Variants in FUT9 observed in about 807,000 individuals in gnomAD.
FUT9 encodes the protein 4-galactosyl-N-acetylglucosaminide 3-alpha-L-fucosyltransferase 9.
Under a neutral mutation model 29.7 loss-of-function variants are expected in FUT9, and 15 were observed. The ratio of observed to expected loss-of-function variants is 0.51; its 90% CI spans 0.34 to 0.78. The LOEUF (loss-of-function observed/expected upper bound fraction) is 0.78. FUT9 is among the 30% of genes least tolerant of loss of function. The probability of loss-of-function intolerance (pLI) is 0.01; values close to 1 mark genes in which losing one functional copy is unlikely to be tolerated. For missense variants in FUT9, 319 were observed against 425.4 expected (o/e 0.75, Z 2.20); for synonymous variants, 169 against 153.7 (o/e 1.10, Z -0.74).
At chr6:96,090,904 G>A (rs1185914844) in intron 1 of FUT9, among the ~76,000 whole-genome samples, 2 of 152,116 alleles carry the variant, frequency 1.3e-5, no homozygotes, top group East Asian at 3.9e-4. Context: ...GAAAGTATGA[G>A]AGAAAGGGAA....
rs1339153685 is a variant in FUT9 at position 96,203,631 on chromosome 6, G to A, written c.476G>A (p.Arg159His). 6.2e-7 allele frequency: 1 copy of A among 1,613,938 alleles called. No homozygotes were observed. Among genetic ancestry groups the A allele is most frequent in the Non-Finnish European group, 8.5e-7 (1 of 1,179,972 alleles). The change falls in exon 3 of 3, where the codon CGC becomes CAC. Residue 159 changes from arginine (R) to histidine (H), a missense_variant. By Grantham distance (29) the Arg-to-His change is conservative. Coordinates refer to ENST00000302103, the MANE Select transcript of FUT9 (RefSeq NM_006581.4). ...EHLFNLTLTY[R>H]RDSDIQVPYG... is the part of the protein sequence containing the mutation. ...TTGTTTAACCTGACTCTGACTTACC[G>A]CCGTGATTCAGATATCCAAGTGCCT...
In FUT9 at chr6:96,071,238, T is replaced by C. The variant is rs559839722; in HGVS notation, c.-97-42801T>C. On this transcript the variant is annotated intron_variant, in intron 1 of 2. Transcript: ENST00000302103. ...GAAATTGACTGCAGGTCAGAGGTGC[T>C]GTTCTGCAGCAGCAGTCATTAAAAC... Among the ~76,000 whole-genome samples the C allele has an allele frequency of 3.2e-4, 49 of 152,250 alleles. 1 individual carries two copies. The South Asian group carries it at 0.01, about 32-fold the overall frequency.
intron 1 of FUT9, among the ~76,000 whole-genome samples, chr6:96,058,876 A>T (rs1285286006): frequency 6.6e-6 from 1 of 152,152 alleles, no homozygotes; most frequent in African/African-American, 2.4e-5. Flanking sequence ...CACAAGAAAC[A>T]AGGTACAAAA....
At chr6:96,164,328 A>C (rs1772972748) in intron 2 of FUT9, among the ~76,000 whole-genome samples, 1 of 134,832 alleles carries the variant, frequency 7.4e-6, no homozygotes, top group South Asian at 2.2e-4. Flanking sequence ...GCGCGATCTC[A>C]GCTCACTGCA....
In FUT9 at chr6:96,211,479, T is replaced by A. The variant is rs1773936308; in HGVS notation, c.*7244T>A. The A allele has an allele frequency of 6.0e-6, 1 of 166,876 alleles. No homozygotes were observed. The highest frequency in any genetic ancestry group is 2.4e-5 in the African/African-American group (1 of 41,446). The allele number at this position is 166,876 out of a possible 1,614,324, so 10.3% of individuals were successfully genotyped here. On this transcript the variant is annotated 3_prime_UTR_variant, in exon 3 of 3. Transcript: ENST00000302103. ...TGGTCCACTAGTTTTGACACAGGACTAGTTAATGATTTGTTAGGAAGTCTC... is the reference window on the plus strand; with the variant it reads ...TGGTCCACTAGTTTTGACACAGGACAAGTTAATGATTTGTTAGGAAGTCTC...
intron 1 of FUT9, among the ~76,000 whole-genome samples, chr6:96,039,752 T>A (rs1770423255): frequency 6.6e-6 from 1 of 152,142 alleles, no homozygotes; most frequent in South Asian, 2.1e-4. Flanking sequence ...AGAGACCTTA[T>A]CTATCTTTTT....
intron 2 of FUT9, among the ~76,000 whole-genome samples, chr6:96,165,091 C>T (rs1319845663): frequency 6.6e-6 from 1 of 152,180 alleles, no homozygotes; most frequent in East Asian, 1.9e-4. Flanking sequence ...GTCTTTGTCT[C>T]AGATTCACTA....
Position 96,207,475 on chromosome 6 carries a change from A to G in FUT9, c.*3240A>G, listed in dbSNP as rs1380562290. 1 of 167,052 alleles carries G rather than the reference A, an allele frequency of 6.0e-6. No homozygotes were observed. The highest frequency in any genetic ancestry group is 1.5e-5 in the Non-Finnish European group (1 of 68,102). The allele number at this position is 167,052 out of a possible 1,614,324, so 10.3% of individuals were successfully genotyped here. ...TAAATAAAACATCAAACTTGTTAGCATTCGTTCTGGTTTAAATATTTTAGG... is the reference window on the plus strand; with the variant it reads ...TAAATAAAACATCAAACTTGTTAGCGTTCGTTCTGGTTTAAATATTTTAGG... On this transcript the variant is annotated 3_prime_UTR_variant, in exon 3 of 3. Transcript: ENST00000302103.
At chr6:96,103,554 G>T (rs535226967) in intron 1 of FUT9, among the ~76,000 whole-genome samples, 12 of 151,934 alleles carry the variant, frequency 7.9e-5, no homozygotes, top group African/African-American at 2.4e-4. Context: ...TTCTCCGATG[G>T]CTCCAAAAAG....
intron 1 of FUT9, among the ~76,000 whole-genome samples, chr6:96,035,777 T>A (rs1484088847): frequency 8.0e-6 from 1 of 125,644 alleles, no homozygotes; most frequent in African/African-American, 2.9e-5. Context: ...TAAAATATAA[T>A]ATAATTTATT....
At chr6:96,150,901 GT>G (rs1772663722) in intron 2 of FUT9, among the ~76,000 whole-genome samples, 1 of 152,154 alleles carries the variant, frequency 6.6e-6, no homozygotes, top group African/African-American at 2.4e-5. Flanking sequence ...CTTTGTTCCT[GT>G]TTTAGCTTTT....
rs1278879709 is a variant in FUT9 at position 96,203,527 on chromosome 6, T to C, written c.372T>C (p.Ala124=). ...ATCTGACAAATTTACCTCAGCAAGC[T>C]AGGCCACCCTTCCAGAAATGGATTT... ...SWDLTNLPQQ[A]RPPFQKWIWM... is the part of the protein sequence containing the mutation. The change falls in exon 3 of 3, where the codon GCT becomes GCC. Residue 124 remains alanine (A), a synonymous_variant. Transcript: ENST00000302103. The C allele has an allele frequency of 2.5e-6, 4 of 1,613,304 alleles. No individual in the cohort carries two copies. Among genetic ancestry groups the C allele is most frequent in the Non-Finnish European group, 3.4e-6 (4 of 1,179,880 alleles).
intron 2 of FUT9, among the ~76,000 whole-genome samples, chr6:96,190,410 T>A (rs549150658): frequency 6.6e-6 from 1 of 152,114 alleles, no homozygotes; most frequent in African/African-American, 2.4e-5. Flanking sequence ...TTGAGGAGTA[T>A]CTTTGTGGCA....
chr6:96,034,153 T>A (rs1770312747), intron 1 of FUT9, among the ~76,000 whole-genome samples: 1 of 151,652 alleles, frequency 6.6e-6, no homozygotes, highest in Non-Finnish European at 1.5e-5. Flanking sequence ...GATCTTCATA[T>A]CTTTTGGCTC....
intron 2 of FUT9, among the ~76,000 whole-genome samples, chr6:96,121,380 T>G (rs1562132536): frequency 1.3e-5 from 2 of 152,150 alleles, no homozygotes; most frequent in Admixed American, 6.5e-5. Context: ...TTCTTAAGTT[T>G]TATTTTTAGA....
At position 96,182,069 on chromosome 6, in the gene FUT9, C is replaced by T. The variant is rs143182015; in HGVS notation, c.-8-21079C>T. On this transcript the variant is annotated intron_variant, in intron 2 of 2. Coordinates refer to ENST00000302103, the MANE Select transcript of FUT9 (RefSeq NM_006581.4). ...GCACTGTAGAAGTGTTTCCTGTTCACCACATCCACACCAACATCTATTAGT... is the reference window on the plus strand; with the variant it reads ...GCACTGTAGAAGTGTTTCCTGTTCATCACATCCACACCAACATCTATTAGT... Among the ~76,000 whole-genome samples, 1,349 of 152,162 alleles carry T rather than the reference C, an allele frequency of 8.9e-3. 15 individuals carry two copies. The highest frequency in any genetic ancestry group is 0.015 in the South Asian group (74 of 4,826).
At chr6:96,091,803 A>G (rs1000968559) in intron 1 of FUT9, among the ~76,000 whole-genome samples, 1 of 152,098 alleles carries the variant, frequency 6.6e-6, no homozygotes, top group South Asian at 2.1e-4. Flanking sequence ...CCATTTAAAA[A>G]GTTGGTAAGG....
intron 1 of FUT9, among the ~76,000 whole-genome samples, chr6:96,109,132 G>A (rs368886031): frequency 1.3e-5 from 2 of 152,256 alleles, no homozygotes; most frequent in Non-Finnish European, 2.9e-5. Context: ...ACAGCACATA[G>A]TACTTGTCAT....
intron 2 of FUT9, among the ~76,000 whole-genome samples, chr6:96,140,019 G>A (rs1276084200): frequency 6.6e-6 from 1 of 152,170 alleles, no homozygotes; most frequent in African/African-American, 2.4e-5. Context: ...TTATCAGGCT[G>A]CAAATTTTTC....
Sources: gnomAD v4.1 joint callset for allele counts (sites outside exome capture counted in the v4.1 genomes callset) on GRCh38, gnomAD v4.1.1 for gene constraint, MANE v1.5 for transcripts, NCBI Gene and HGNC (gene_info 2026-07-23, HGNC 2026-07-21) for gene names.